MORC1: variants seen among roughly 807,000 people sequenced by gnomAD.
MORC1 encodes the protein MORC family CW-type zinc finger 1.
In MORC1, 59 loss-of-function variants were observed where a neutral mutation model predicts 134.9. That is an observed-to-expected ratio of 0.44 (90% CI 0.35 to 0.54). MORC1 has a LOEUF of 0.54. Ranked by LOEUF, MORC1 falls within the 20% of genes least tolerant of loss-of-function variation. The pLI is 0.00. For missense variants in MORC1, 947 were observed against 1,134.5 expected, an observed-to-expected ratio of 0.83 and a Z score of 2.37; for synonymous variants, 395 against 391.7, an observed-to-expected ratio of 1.01 and a Z score of -0.10.
At chr3:109,067,398 G>A (rs1950221371) in intron 9 of MORC1, among the ~76,000 whole-genome samples, 3 of 152,054 alleles carry the variant, frequency 2.0e-5, no homozygotes, top group Non-Finnish European at 4.4e-5. Context: ...CTATGATCTA[G>A]ACTCCTCCAG....
intron 14 of MORC1, among the ~76,000 whole-genome samples, chr3:109,054,417 G>A (rs953166149): frequency 1.4e-4 from 21 of 152,296 alleles, no homozygotes; most frequent in Middle Eastern, 3.4e-3. Flanking sequence ...TGGAGTCCCA[G>A]TGCCCAGAGC....
At chr3:108,993,474 T>C (rs1948121115) in intron 21 of MORC1, among the ~76,000 whole-genome samples, 1 of 152,224 alleles carries the variant, frequency 6.6e-6, no homozygotes, top group African/African-American at 2.4e-5. Flanking sequence ...TTCAAAGCCC[T>C]TAGGGCAGCT....
At chr3:109,059,453 A>T (rs1170286769) in intron 12 of MORC1, among the ~76,000 whole-genome samples, 1 of 152,214 alleles carries the variant, frequency 6.6e-6, no homozygotes, top group East Asian at 1.9e-4. Flanking sequence ...TTTAAATGGC[A>T]AATGACACAG....
chr3:109,067,893 C>T (rs2107701653), intron 9 of MORC1, among the ~76,000 whole-genome samples: 1 of 152,232 alleles, frequency 6.6e-6, no homozygotes, highest in South Asian at 2.1e-4. Flanking sequence ...CAAGGCCCTA[C>T]TCAGGACAGT....
intron 8 of MORC1, among the ~76,000 whole-genome samples, chr3:109,075,681 A>G (rs906667818): frequency 1.3e-5 from 2 of 152,166 alleles, no homozygotes. Flanking sequence ...TACCAGTACC[A>G]TGCTGTTTTG....
chr3:109,031,311 A>G (rs1949236246), intron 16 of MORC1, among the ~76,000 whole-genome samples: 1 of 152,212 alleles, frequency 6.6e-6, no homozygotes, highest in Non-Finnish European at 1.5e-5. Context: ...GAGAAGATGC[A>G]TAAAGATCCT....
intron 8 of MORC1, among the ~76,000 whole-genome samples, chr3:109,083,039 A>G (rs1950551005): frequency 6.6e-6 from 1 of 152,198 alleles, no homozygotes; most frequent in South Asian, 2.1e-4. Flanking sequence ...GCAAGAGGAA[A>G]GAAGCAAGTA....
At chr3:109,061,849 G>T in intron 11 of MORC1, 139 bp downstream of exon 11, 1 of 786,484 alleles carries the variant, frequency 1.3e-6, no homozygotes, top group South Asian at 1.6e-5. Context: ...CTGTTTACCT[G>T]AGTTAAAATC....
At chr3:108,995,648 G>T (rs1164129473) in intron 21 of MORC1, among the ~76,000 whole-genome samples, 1 of 152,146 alleles carries the variant, frequency 6.6e-6, no homozygotes, top group Non-Finnish European at 1.5e-5. Flanking sequence ...ACTATGACTG[G>T]ACTCTAGCTT....
chr3:109,025,379 C>CTTTTTTTTTTTTTTTTTTTTTT (rs63701060), intron 17 of MORC1, among the ~76,000 whole-genome samples: 10 of 105,098 alleles, frequency 9.5e-5, no homozygotes, highest in Non-Finnish European at 1.1e-4. Flanking sequence ...TTTCTTTTTT[C>CTTTTTTTTTTTTTTTTTTTTTT]TTTTTTTTTT....
chr3:109,066,341 A>G (rs780717299), intron 9 of MORC1, among the ~76,000 whole-genome samples: 1 of 148,532 alleles, frequency 6.7e-6, no homozygotes, highest in Non-Finnish European at 1.5e-5. Context: ...GCTGGAGTGC[A>G]GTGGCATGAT....
chr3:109,010,459 T>C (rs1160069300), intron 17 of MORC1, among the ~76,000 whole-genome samples: 1 of 152,230 alleles, frequency 6.6e-6, no homozygotes, highest in Non-Finnish European at 1.5e-5. Flanking sequence ...AAAATGTATG[T>C]ATAAATGTGT....
At chr3:108,972,632 C>G (rs1340257595) in intron 24 of MORC1, among the ~76,000 whole-genome samples, 10 of 152,044 alleles carry the variant, frequency 6.6e-5, no homozygotes, top group African/African-American at 2.4e-4. Context: ...GAGAAGAAAT[C>G]ATATGAAAAG....
At chr3:109,095,584 T>C (rs970028949) in intron 6 of MORC1, among the ~76,000 whole-genome samples, 26 of 152,134 alleles carry the variant, frequency 1.7e-4, no homozygotes, top group African/African-American at 6.0e-4. Context: ...ATTTACCCTC[T>C]GGAAAGAGTA....
At chr3:109,006,363 T>G (rs1948540606) in intron 18 of MORC1, among the ~76,000 whole-genome samples, 1 of 152,032 alleles carries the variant, frequency 6.6e-6, no homozygotes, top group Admixed American at 6.6e-5. Context: ...AAACACAAAC[T>G]AAGAAGATAG....
intron 17 of MORC1, among the ~76,000 whole-genome samples, chr3:109,015,014 T>C (rs921113274): frequency 6.6e-6 from 1 of 152,102 alleles, no homozygotes; most frequent in Non-Finnish European, 1.5e-5. Context: ...GCCTCCCGAG[T>C]AGCTGGGGTT....
chr3:108,966,853 A>AT (rs1947233917), intron 26 of MORC1, among the ~76,000 whole-genome samples: 1 of 152,122 alleles, frequency 6.6e-6, no homozygotes. Flanking sequence ...TGGGGCACTC[A>AT]TTTTAGATGG....
At chr3:109,075,614 T>C (rs535811985) in intron 8 of MORC1, among the ~76,000 whole-genome samples, 14 of 152,310 alleles carry the variant, frequency 9.2e-5, no homozygotes, top group African/African-American at 3.4e-4. Flanking sequence ...GTTGTAGATG[T>C]GTGACATTAT....
intron 5 of MORC1, among the ~76,000 whole-genome samples, chr3:109,099,939 T>C (rs2107777030): frequency 6.6e-6 from 1 of 152,224 alleles, no homozygotes; most frequent in East Asian, 1.9e-4. Flanking sequence ...CCTAAAATGT[T>C]GTAAAGATAA....
Sources: allele counts gnomAD v4.1 joint callset (sites outside exome capture counted in the v4.1 genomes callset), GRCh38; gene constraint gnomAD v4.1.1; transcripts MANE v1.5; gene names NCBI Gene and HGNC (gene_info 2026-07-23, HGNC 2026-07-21).